Variants in FXYD1 observed in about 807,000 individuals in gnomAD.
The protein encoded by FXYD1 is phospholemman.
Under a neutral mutation model 17.2 loss-of-function variants are expected in FXYD1, and 9 were observed. That is an observed-to-expected ratio of 0.52 (90% CI 0.32 to 0.91). The LOEUF (loss-of-function observed/expected upper bound fraction) is 0.91, where lower values mean the gene tolerates loss of function less well. FXYD1 is among the 40% of genes least tolerant of loss of function. FXYD1 has a pLI of 0.04. For synonymous variants in FXYD1, 55 were observed against 45.8 expected (o/e 1.20, Z -0.81); for missense variants, 113 against 120.6 (o/e 0.94, Z 0.29).
upstream of FXYD1, chr19:35,137,932 T>C (rs1050538553): frequency 3.9e-5 from 6 of 152,144 alleles, no homozygotes; most frequent in African/African-American, 1.2e-4. Context: ...TACCTGGCCA[T>C]GTTTGGCCAT....
upstream of FXYD1, chr19:35,138,460 A>T (rs905833384): frequency 1.3e-5 from 2 of 152,236 alleles, no homozygotes; most frequent in Non-Finnish European, 2.9e-5. Context: ...ATCGGGGGTC[A>T]GTGGGCTCCT....
upstream of FXYD1, chr19:35,137,878 G>A (rs12980134): frequency 0.22 from 33,119 of 152,182 alleles, 4,567 homozygotes; most frequent in Admixed American, 0.37. Flanking sequence ...TGATCCTCCC[G>A]CCTTGGCCTC....
In FXYD1 at chr19:35,142,964, C is replaced by T. The variant is rs1301223235; in HGVS notation, c.*77C>T. On this transcript the variant is annotated 3_prime_UTR_variant, in exon 8 of 8. Transcript: ENST00000351325. ...TCCCACGCTCCACCTGCGCGCCCAC[C>T]GCCCCCTCCGCCGCCCCTTCCCCAG... is the stretch of plus-strand genomic sequence containing the variant. The T allele has an allele frequency of 3.4e-6, 2 of 586,296 alleles. No homozygotes were observed. The highest frequency in any genetic ancestry group is 2.0e-5 in the South Asian group (1 of 49,724). The allele number at this position is 586,296 out of a possible 1,614,324, so 36.3% of individuals were successfully genotyped here.
chr19:35,141,504 C>A, intron 4 of FXYD1, 32 bp from the exon 5 acceptor site: 1 of 1,594,398 alleles, frequency 6.3e-7, no homozygotes, highest in Non-Finnish European at 8.6e-7. Context: ...CGGGAGGGAG[C>A]CTCAGCTTCT....
In FXYD1 at chr19:35,141,226, G is replaced by C; in HGVS notation, c.169+20G>C. 1.4e-6 allele frequency: 2 copies of C among 1,478,692 alleles called. No individual in the cohort carries two copies. Among genetic ancestry groups the C allele is most frequent in the Admixed American group, 1.7e-5 (1 of 58,456 alleles). The allele number at this position is 1,478,692 out of a possible 1,614,324, so 91.6% of individuals were successfully genotyped here. A position where few individuals can be genotyped will look rare whatever the true frequency, so the allele number is the denominator to read the frequency against. On this transcript the variant is annotated intron_variant, in intron 4 of 7. Coordinates refer to ENST00000351325, the MANE Select transcript of FXYD1 (RefSeq NM_021902.4). The stretch of plus-strand genomic sequence containing the variant: ...TGCTGAGTGAGTGCCCCTAGCTCCC[G>C]CCCTCTACCCCGCCTCTCCCTGGCC...
At chr19:35,139,862 T>C in intron 1 of FXYD1, 1 of 533,624 alleles carries the variant, frequency 1.9e-6, no homozygotes. Context: ...TGCTACGTTG[T>C]GTTGTTGTGT....
chr19:35,141,616 G>A, intron 5 of FXYD1, 44 bp downstream of exon 5: 2 of 1,562,344 alleles, frequency 1.3e-6, no homozygotes, highest in South Asian at 2.3e-5. Context: ...TCCTGCTCTG[G>A]AGGGCGCCGC....
At chr19:35,138,397 C>CAA (rs1381010588), upstream of FXYD1, 1 of 152,186 alleles carries the variant, frequency 6.6e-6, no homozygotes, top group African/African-American at 2.4e-5. Context: ...CACACACACA[C>CAA]CTCCCTCCCG....
chr19:35,141,586 C>CCCCG lies in FXYD1; in HGVS notation c.206+18_206+21dup. The CCCCG allele has an allele frequency of 6.2e-7, 1 of 1,606,088 alleles. No homozygotes were observed. Among genetic ancestry groups the CCCCG allele is most frequent in the Non-Finnish European group, 8.5e-7 (1 of 1,175,426 alleles). On this transcript the variant is annotated intron_variant, in intron 5 of 7. Coordinates refer to ENST00000351325, the MANE Select transcript of FXYD1 (RefSeq NM_021902.4). ...CCAGCAGCAGAGGTAAGACGCCCCT[C>CCCCG]CCCGCCCTCCTTCGCCCGCTCCTGC...
chr19:35,139,882 G>A (rs745593094), intron 1 of FXYD1, 194 bp from the exon 2 acceptor site: 6 of 572,608 alleles, frequency 1.0e-5, no homozygotes, highest in Admixed American at 5.7e-5. Context: ...TGATCCCATC[G>A]TGGAGGTTGT....
chr19:35,138,642 G>C (rs2145377324), upstream of FXYD1: 1 of 152,764 alleles, frequency 6.5e-6, no homozygotes, highest in East Asian at 1.9e-4. Context: ...GCCTGCTGCT[G>C]CTCTCTCTGA....
upstream of FXYD1, among the ~76,000 whole-genome samples, chr19:35,137,303 C>A (rs2145375272): frequency 6.6e-6 from 1 of 152,284 alleles, no homozygotes; most frequent in East Asian, 1.9e-4. Context: ...TGTGTTGTCC[C>A]CGACAAGAGC....
At chr19:35,140,279 A>G (rs766711772) in intron 2 of FXYD1, 139 bp downstream of exon 2, 1 of 670,516 alleles carries the variant, frequency 1.5e-6, no homozygotes, top group Non-Finnish European at 2.7e-6. Flanking sequence ...CGTGGGGTCC[A>G]GTCACAGGCT....
chr19:35,142,975 C>T lies in FXYD1; in HGVS notation c.*88C>T. ...ACCTGCGCGCCCACCGCCCCCTCCG[C>T]CGCCCCTTCCCCAGCCCTGCCCCCG... On this transcript the variant is annotated 3_prime_UTR_variant, in exon 8 of 8. Transcript: ENST00000351325. 1.7e-6 allele frequency: 1 copy of T among 585,986 alleles called. No homozygotes were observed. The highest frequency in any genetic ancestry group is 3.0e-6 in the Non-Finnish European group (1 of 329,834). 36.3% of individuals were successfully genotyped at this position (585,986 alleles called of 1,614,324 possible).
At chr19:35,137,221 C>T (rs2145375177), upstream of FXYD1, among the ~76,000 whole-genome samples, 1 of 152,326 alleles carries the variant, frequency 6.6e-6, no homozygotes, top group East Asian at 1.9e-4. Flanking sequence ...ACCAGGAGTG[C>T]AGTGCCTGGG....
At position 35,141,555 on chromosome 19, in the gene FXYD1, G is replaced by A. The variant is rs2065256116; in HGVS notation, c.189G>A (p.Lys63=). Residue 63 remains lysine, a synonymous_variant, in exon 5 of 8, where the codon AAG becomes AAA. Transcript: ENST00000351325. The part of the protein sequence containing the change: ...LIVLSRRCRC[K]FNQQQRTGEP... ...CCACAGGCAGAAGATGCCGGTGCAAGTTCAACCAGCAGCAGAGGTAAGACG... is the reference window on the plus strand; with the variant it reads ...CCACAGGCAGAAGATGCCGGTGCAAATTCAACCAGCAGCAGAGGTAAGACG... 3 of 1,611,146 alleles carry A rather than the reference G, an allele frequency of 1.9e-6. No individual in the cohort carries two copies. Among genetic ancestry groups the A allele is most frequent in the Non-Finnish European group, 2.5e-6 (3 of 1,178,950 alleles).
intron 5 of FXYD1, chr19:35,142,203 A>G (rs1388006285): frequency 7.4e-6 from 3 of 403,022 alleles, no homozygotes; most frequent in Non-Finnish European, 1.3e-5. Context: ...CAGTCTGCCA[A>G]GTCCCCATGA....
intron 1 of FXYD1, 179 bp from the exon 2 acceptor site, chr19:35,139,897 G>T: frequency 1.7e-6 from 1 of 591,562 alleles, no homozygotes; most frequent in Non-Finnish European, 3.1e-6. Flanking sequence ...GGTTGTTTTG[G>T]TGACACTGTG....
chr19:35,141,103 C>T, intron 3 of FXYD1, 29 bp from the exon 4 acceptor site: 1 of 1,464,104 alleles, frequency 6.8e-7, no homozygotes, highest in Non-Finnish European at 9.6e-7. Flanking sequence ...TCTTCCCTGC[C>T]CTCACCTTCC....
Sources: allele counts gnomAD v4.1 joint callset (sites outside exome capture counted in the v4.1 genomes callset), GRCh38; gene constraint gnomAD v4.1.1; transcripts MANE v1.5; gene names NCBI Gene and HGNC (gene_info 2026-07-23, HGNC 2026-07-21).